Variants in FBXO34 observed in about 807,000 individuals in gnomAD.
The protein encoded by FBXO34 is F-box only protein 34.
In FBXO34, 12 loss-of-function variants were observed where a neutral mutation model predicts 24.5. The ratio of observed to expected loss-of-function variants is 0.49; its 90% CI spans 0.31 to 0.79. FBXO34 has a LOEUF of 0.79. FBXO34 is among the 30% of genes least tolerant of loss of function. The pLI is 0.04. For synonymous variants in FBXO34, 320 were observed against 311.9 expected (o/e 1.03, Z -0.27); for missense variants, 823 against 857.7 (o/e 0.96, Z 0.51).
At chr14:55,411,917 T>TCCC in the FBXO34 span, 20 of 1,226,264 alleles carry the variant, frequency 1.6e-5, no homozygotes, top group East Asian at 5.1e-5. Flanking sequence ...GGGGCTGGGA[T>TCCC]GCCGGCGAGC....
chr14:55,433,087 G>A, the FBXO34 span, among the ~76,000 whole-genome samples: 4 of 152,018 alleles, frequency 2.6e-5, no homozygotes, highest in East Asian at 1.9e-4. Flanking sequence ...AAGTCCCCTC[G>A]GTTTAATAGG....
At chr14:55,329,626 G>A (rs1263236985) in intron 1 of FBXO34, among the ~76,000 whole-genome samples, 1 of 152,080 alleles carries the variant, frequency 6.6e-6, no homozygotes, top group African/African-American at 2.4e-5. Context: ...GCAGGAATTG[G>A]GTAGAAATGG....
At chr14:55,334,585 A>C (rs1025058067) in intron 1 of FBXO34, among the ~76,000 whole-genome samples, 1 of 151,892 alleles carries the variant, frequency 6.6e-6, no homozygotes, top group African/African-American at 2.4e-5. Flanking sequence ...CCAGTTGGAG[A>C]AGTGGTTTCA....
the FBXO34 span, chr14:55,386,117 C>A: frequency 1.3e-6 from 2 of 1,583,936 alleles, no homozygotes; most frequent in South Asian, 2.3e-5. Flanking sequence ...TAAATCACAC[C>A]CAACAATTAT....
At chr14:55,393,763 G>C in the FBXO34 span, among the ~76,000 whole-genome samples, 2 of 151,908 alleles carry the variant, frequency 1.3e-5, no homozygotes, top group Non-Finnish European at 2.9e-5. Context: ...ATGTTTCCCA[G>C]GCTGGTTTTC....
At chr14:55,365,201 ACT>A (rs1178932367), downstream of FBXO34, among the ~76,000 whole-genome samples, 1 of 141,248 alleles carries the variant, frequency 7.1e-6, no homozygotes, top group Non-Finnish European at 1.5e-5. Flanking sequence ...ACAAAGTGAG[ACT>A]CTATCATCTC....
the FBXO34 span, among the ~76,000 whole-genome samples, chr14:55,430,485 C>A: frequency 2.0e-5 from 3 of 151,842 alleles, no homozygotes; most frequent in Non-Finnish European, 4.4e-5. Context: ...TAGCTCACTG[C>A]AGCCTTGAAC....
the FBXO34 span, among the ~76,000 whole-genome samples, chr14:55,439,807 T>C: frequency 3.3e-5 from 5 of 151,314 alleles, no homozygotes; most frequent in African/African-American, 1.2e-4. Context: ...GGCGGGCTCC[T>C]GTAGTCCCAG....
intron 1 of FBXO34, among the ~76,000 whole-genome samples, chr14:55,321,557 C>T (rs1245046320): frequency 1.3e-5 from 2 of 152,094 alleles, no homozygotes; most frequent in Non-Finnish European, 2.9e-5. Flanking sequence ...CCACCACCCC[C>T]GGCTAAGTTT....
At position 55,276,810 on chromosome 14, in the gene FBXO34, G is replaced by T. The variant is rs10143136; in HGVS notation, c.-11+5273G>T. On this transcript the variant is annotated intron_variant, in intron 1 of 1. Coordinates refer to ENST00000313833, the MANE Select transcript of FBXO34 (RefSeq NM_017943.4). ...ATCAGACGAATTCTTGGGGACTGCG[G>T]ATATAGCTTCCCACAGTATCTTATC... 2.0e-5 allele frequency among the ~76,000 whole-genome samples: 3 copies of T among 151,994 alleles called. No individual in the cohort carries two copies. In the East Asian group the frequency reaches 5.8e-4, roughly 29 times the overall value.
In FBXO34 at chr14:55,350,983, G is replaced by T. The variant is rs755531600; in HGVS notation, c.593G>T (p.Gly198Val). 2 of 1,614,202 alleles carry T rather than the reference G, an allele frequency of 1.2e-6. No individual in the cohort carries two copies. Among genetic ancestry groups the T allele is most frequent in the Non-Finnish European group, 1.7e-6 (2 of 1,180,028 alleles). Residue 198 changes from glycine (G) to valine (V), a missense_variant, in exon 2 of 2, where the codon GGA becomes GTA. Coordinates refer to ENST00000313833, the MANE Select transcript of FBXO34 (RefSeq NM_017943.4). Reference protein sequence around the residue: ...SVHYVSDSGDGVYAGRPLSVI... With the variant: ...SVHYVSDSGDVVYAGRPLSVI... ...CACTATGTGAGTGACAGTGGGGATG[G>T]AGTCTATGCTGGGAGGCCTCTGTCA...
chr14:55,363,872 GTTTT>G (rs957487109), downstream of FBXO34, among the ~76,000 whole-genome samples: 1 of 145,058 alleles, frequency 6.9e-6, no homozygotes, highest in Non-Finnish European at 1.5e-5. Flanking sequence ...ATGCCTCTGC[GTTTT>G]TTTTTTTACT....
At chr14:55,399,891 T>C in the FBXO34 span, among the ~76,000 whole-genome samples, 8 of 152,230 alleles carry the variant, frequency 5.3e-5, no homozygotes, top group African/African-American at 1.4e-4. Context: ...AGTGAGCTGG[T>C]TGATTTTCTT....
chr14:55,356,345 C>T (rs1379868971), downstream of FBXO34, among the ~76,000 whole-genome samples: 1 of 152,216 alleles, frequency 6.6e-6, no homozygotes, highest in Non-Finnish European at 1.5e-5. Flanking sequence ...ACCGACTAAA[C>T]CAATGAGAGC....
At chr14:55,421,332 T>G in the FBXO34 span, among the ~76,000 whole-genome samples, 5 of 152,212 alleles carry the variant, frequency 3.3e-5, no homozygotes, top group African/African-American at 4.8e-5. Context: ...CTCTAGGACA[T>G]GTAGAGGTAA....
chr14:55,429,084 C>G, the FBXO34 span: 30 of 1,352,244 alleles, frequency 2.2e-5, no homozygotes, highest in Non-Finnish European at 3.0e-5. Context: ...TCAATGTATA[C>G]TATGAAGCTG....
downstream of FBXO34, chr14:55,369,792 C>A: frequency 6.2e-7 from 1 of 1,614,180 alleles, no homozygotes; most frequent in Non-Finnish European, 8.5e-7. Context: ...GGCAAGTTCT[C>A]CCAGTCTGTG....
chr14:55,351,145 A>G lies in FBXO34; in HGVS notation c.755A>G (p.Tyr252Cys), dbSNP rs201645276. The change falls in exon 2 of 2, where the codon TAT becomes TGT. Residue 252 changes from tyrosine (Y) to cysteine (C), a missense_variant. By Grantham distance (194) the Tyr-to-Cys change is radical. This residue lies in a region of FBXO34 where 693 missense variants were observed against 659.1 expected (regional missense o/e 1.05). Coordinates refer to ENST00000313833, the MANE Select transcript of FBXO34 (RefSeq NM_017943.4). ...SRGVPAVSES[Y>C]SAPGACEEPT... is the part of the protein sequence containing the mutation. Reference sequence around the variant, plus strand: ...GGTGTGCCTGCAGTGTCTGAGTCCTATTCTGCCCCAGGAGCTTGTGAAGAA... The same window carrying G: ...GGTGTGCCTGCAGTGTCTGAGTCCTGTTCTGCCCCAGGAGCTTGTGAAGAA... 5.0e-6 allele frequency: 8 copies of G among 1,614,082 alleles called. No individual in the cohort carries two copies. In the African/African-American group the frequency reaches 5.3e-5, roughly 11 times the overall value.
At chr14:55,316,446 G>T (rs1035774400) in intron 1 of FBXO34, among the ~76,000 whole-genome samples, 1 of 151,664 alleles carries the variant, frequency 6.6e-6, no homozygotes, top group African/African-American at 2.4e-5. Context: ...AAAAAAATTA[G>T]CTGGGTGTAG....
Sources: allele counts gnomAD v4.1 joint callset (sites outside exome capture counted in the v4.1 genomes callset), GRCh38; gene constraint gnomAD v4.1.1; regional missense constraint gnomAD v4.1.1; transcripts MANE v1.5; gene names NCBI Gene and HGNC (gene_info 2026-07-23, HGNC 2026-07-21).